PARD3B: variants seen among roughly 807,000 people sequenced by gnomAD.
PARD3B encodes partitioning defective 3 homolog B.
A neutral mutation model predicts 130.2 loss-of-function variants in PARD3B; 103 were observed. That is an observed-to-expected ratio of 0.79 (90% CI 0.67 to 0.93). The LOEUF (loss-of-function observed/expected upper bound fraction) is 0.93. Ranked by LOEUF, PARD3B falls within the 40% of genes least tolerant of loss-of-function variation. The probability of loss-of-function intolerance (pLI) is 0.00; values close to 1 mark genes in which losing one functional copy is unlikely to be tolerated. For missense variants in PARD3B, 1,609 were observed against 1,499.2 expected (o/e 1.07, Z -1.21); for synonymous variants, 583 against 553.2 (o/e 1.05, Z -0.76).
chr2:205,234,072 A>G (rs2038959052), intron 15 of PARD3B, among the ~76,000 whole-genome samples: 1 of 152,234 alleles, frequency 6.6e-6, no homozygotes, highest in South Asian at 2.1e-4. Flanking sequence ...GACAACAGCA[A>G]GATGGTATGT....
chr2:205,378,635 CTTT>C (rs559839181), intron 18 of PARD3B, among the ~76,000 whole-genome samples: 3 of 137,098 alleles, frequency 2.2e-5, no homozygotes, highest in Admixed American at 7.3e-5. Flanking sequence ...ATTTTTTTTT[CTTT>C]TTTTTTTTTT....
At chr2:205,026,252 T>TA (rs1242814637) in intron 3 of PARD3B, among the ~76,000 whole-genome samples, 5 of 152,104 alleles carry the variant, frequency 3.3e-5, no homozygotes, top group African/African-American at 7.2e-5. Context: ...ACAAAGGCAC[T>TA]AGGGCAGTCT....
At chr2:204,956,475 A>C (rs574952841) in intron 2 of PARD3B, among the ~76,000 whole-genome samples, 40 of 151,992 alleles carry the variant, frequency 2.6e-4, no homozygotes, top group Non-Finnish European at 4.4e-4. Context: ...AGCAGGTAAG[A>C]TGTGTGTAAT....
At chr2:205,498,507 A>G (rs1014167766) in intron 20 of PARD3B, among the ~76,000 whole-genome samples, 1 of 152,156 alleles carries the variant, frequency 6.6e-6, no homozygotes, top group African/African-American at 2.4e-5. Context: ...ATCTCAAAAA[A>G]AAAAAAGAAC....
At chr2:205,382,164 C>T (rs755880776) in intron 18 of PARD3B, among the ~76,000 whole-genome samples, 4 of 152,016 alleles carry the variant, frequency 2.6e-5, no homozygotes, top group Non-Finnish European at 5.9e-5. Flanking sequence ...GTATCTAATC[C>T]AGGATACAAC....
At position 205,589,468 on chromosome 2, in the gene PARD3B, G is replaced by A. The variant is rs889735175; in HGVS notation, c.3261-25988G>A. The stretch of plus-strand genomic sequence containing the variant: ...CTCAAATGCTGTCTCTAAACAGAGA[G>A]ATGCAGACAGAGATGAGGAACTAAT... On this transcript the variant is annotated intron_variant, in intron 22 of 22. Transcript: ENST00000406610. The surrounding 1 kb of genome is among the most constrained non-coding windows in gnomAD (Gnocchi z 4.1). Among the ~76,000 whole-genome samples the A allele has an allele frequency of 6.6e-6, 1 of 152,188 alleles. No homozygotes were observed. The highest frequency in any genetic ancestry group is 1.5e-5 in the Non-Finnish European group (1 of 68,036).
At chr2:204,866,348 A>G (rs1331871818) in intron 2 of PARD3B, among the ~76,000 whole-genome samples, 1 of 152,208 alleles carries the variant, frequency 6.6e-6, no homozygotes, top group Non-Finnish European at 1.5e-5. Context: ...GTTAAAAGAT[A>G]TAAATGAAAC....
At chr2:205,605,458 G>A (rs1006506797) in intron 22 of PARD3B, among the ~76,000 whole-genome samples, 20 of 152,044 alleles carry the variant, frequency 1.3e-4, no homozygotes, top group African/African-American at 4.6e-4. Flanking sequence ...TTAGTTGTGT[G>A]TGTGTGTTTT....
chr2:205,519,033 C>T (rs559476270), intron 21 of PARD3B, among the ~76,000 whole-genome samples: 48 of 152,234 alleles, frequency 3.2e-4, no homozygotes, highest in Non-Finnish European at 5.7e-4. Context: ...TCTTTCATTT[C>T]AACCTTGGAA....
chr2:205,041,859 T>C (rs1247601910), intron 3 of PARD3B, among the ~76,000 whole-genome samples: 1 of 152,176 alleles, frequency 6.6e-6, no homozygotes. Context: ...TGTTATGTGA[T>C]TCTTCAGGAC....
intron 18 of PARD3B, among the ~76,000 whole-genome samples, chr2:205,319,471 A>G (rs1304180196): frequency 6.6e-6 from 1 of 152,182 alleles, no homozygotes; most frequent in Non-Finnish European, 1.5e-5. Flanking sequence ...ATCTGACTTT[A>G]AAGTATTTAT....
At chr2:204,589,785 A>T (rs1411897911) in intron 1 of PARD3B, among the ~76,000 whole-genome samples, 1 of 152,118 alleles carries the variant, frequency 6.6e-6, no homozygotes, top group Non-Finnish European at 1.5e-5. Flanking sequence ...AAATTAGGGG[A>T]ATTATTTTGT....
intron 2 of PARD3B, among the ~76,000 whole-genome samples, chr2:204,729,398 G>T (rs992335569): frequency 4.6e-5 from 7 of 152,078 alleles, no homozygotes; most frequent in Non-Finnish European, 1.0e-4. Flanking sequence ...GAGGCCAATT[G>T]TGCTTTTGTA....
At chr2:205,132,648 A>C (rs767654504) in intron 10 of PARD3B, among the ~76,000 whole-genome samples, 1 of 152,194 alleles carries the variant, frequency 6.6e-6, no homozygotes, top group Non-Finnish European at 1.5e-5. Flanking sequence ...AATTTCTCCA[A>C]TAGACCTTAA....
chr2:204,764,471 C>T (rs996261032), intron 2 of PARD3B, among the ~76,000 whole-genome samples: 3 of 152,054 alleles, frequency 2.0e-5, no homozygotes, highest in African/African-American at 7.2e-5. Context: ...TTTCTAAGCT[C>T]GTTTTTTGTT....
chr2:204,592,927 A>G (rs1323115694), intron 1 of PARD3B, among the ~76,000 whole-genome samples: 2 of 152,216 alleles, frequency 1.3e-5, no homozygotes, highest in Non-Finnish European at 2.9e-5. Context: ...AATGTTTTCA[A>G]GGTTCAACCA....
chr2:204,555,287 G>A (rs1221837312), intron 1 of PARD3B, among the ~76,000 whole-genome samples: 3 of 152,108 alleles, frequency 2.0e-5, no homozygotes, highest in Non-Finnish European at 2.9e-5. Context: ...GGCCTGGTAC[G>A]GTGGCTCACA....
intron 2 of PARD3B, among the ~76,000 whole-genome samples, chr2:204,841,671 G>A (rs941222834): frequency 6.6e-6 from 1 of 152,174 alleles, no homozygotes; most frequent in Non-Finnish European, 1.5e-5. Context: ...CAAATTTTCT[G>A]TGGTTTATTT....
chr2:204,584,195 C>G lies in PARD3B; in HGVS notation c.120+38076C>G, dbSNP rs114635835. On this transcript the variant is annotated intron_variant, in intron 1 of 22. Coordinates refer to ENST00000406610, the MANE Select transcript of PARD3B (RefSeq NM_001302769.2). ...CTGAAAGGAGAGGTAGCAGGAGACT[C>G]CAATGTGATGGGGATGGAGATGGGG... Among the ~76,000 whole-genome samples the G allele has an allele frequency of 6.1e-3, 923 of 152,202 alleles. 9 individuals are homozygous for G. The highest frequency in any genetic ancestry group is 0.02 in the African/African-American group (845 of 41,516).
Sources: gnomAD v4.1 joint callset for allele counts (sites outside exome capture counted in the v4.1 genomes callset) on GRCh38, gnomAD v4.1.1 for gene constraint, Gnocchi (gnomAD v3.1) non-coding constraint, MANE v1.5 for transcripts, NCBI Gene and HGNC (gene_info 2026-07-23, HGNC 2026-07-21) for gene names.